Variants in EDA observed in about 807,000 individuals in gnomAD.
EDA encodes the protein ectodysplasin-A.
A neutral mutation model predicts 23.6 loss-of-function variants in EDA; 2 were observed. The ratio of observed to expected loss-of-function variants is 0.08; its 90% CI spans 0.03 to 0.27. The LOEUF (loss-of-function observed/expected upper bound fraction) is 0.27. EDA is among the 10% of genes least tolerant of loss of function. The pLI is 1.00. For synonymous variants in EDA, 131 were observed against 132.0 expected, an observed-to-expected ratio of 0.99 and a Z score of 0.05; for missense variants, 229 against 324.2, an observed-to-expected ratio of 0.71 and a Z score of 2.26.
At chrX:69,931,728 T>A (rs773993662) in intron 1 of EDA, among the ~76,000 whole-genome samples, 1 of 111,796 alleles carries the variant, frequency 8.9e-6, no homozygotes, top group Non-Finnish European at 1.9e-5. Flanking sequence ...GAAACTCTCA[T>A]ACACACTGCT....
intron 1 of EDA, among the ~76,000 whole-genome samples, chrX:69,776,641 A>G (rs1441812601): frequency 3.6e-5 from 4 of 111,276 alleles, no homozygotes; most frequent in Non-Finnish European, 7.5e-5. Context: ...ACAGAAATGC[A>G]TAGCCCTGAA....
intron 1 of EDA, among the ~76,000 whole-genome samples, chrX:69,683,205 G>A (rs900862204): frequency 4.5e-5 from 5 of 111,260 alleles, no homozygotes; most frequent in African/African-American, 9.8e-5. Flanking sequence ...TGTTATTATC[G>A]TTACTATTCT....
At chrX:70,015,745 C>T (rs2147493618) in intron 2 of EDA, among the ~76,000 whole-genome samples, 1 of 111,682 alleles carries the variant, frequency 9.0e-6, no homozygotes, top group East Asian at 2.8e-4. Flanking sequence ...AAATGAAAGA[C>T]CATTACTGGC....
At chrX:69,972,053 C>A (rs774977422) in intron 2 of EDA, among the ~76,000 whole-genome samples, 1 of 111,001 alleles carries the variant, frequency 9.0e-6, no homozygotes, top group Non-Finnish European at 1.9e-5. Context: ...GAGGGAGAAG[C>A]CTTCAGGCTC....
At chrX:69,992,977 T>G (rs2019609369) in intron 2 of EDA, among the ~76,000 whole-genome samples, 1 of 111,147 alleles carries the variant, frequency 9.0e-6, no homozygotes, top group Admixed American at 9.6e-5. Context: ...GTGACTTATT[T>G]TTGTGTGTGG....
chrX:69,902,714 C>A (rs1244602692), intron 1 of EDA, among the ~76,000 whole-genome samples: 2 of 111,676 alleles, frequency 1.8e-5, no homozygotes, highest in Non-Finnish European at 3.8e-5. Flanking sequence ...TTTTATTTTA[C>A]TCTGAAGGAA....
intron 1 of EDA, among the ~76,000 whole-genome samples, chrX:69,660,420 C>A (rs1488606573): frequency 9.1e-6 from 1 of 110,123 alleles, no homozygotes; most frequent in Non-Finnish European, 1.9e-5. Flanking sequence ...TATACATGTG[C>A]CATGTTGGTG....
chrX:70,000,672 G>A (rs1296390554), intron 2 of EDA, among the ~76,000 whole-genome samples: 1 of 112,251 alleles, frequency 8.9e-6, no homozygotes, highest in African/African-American at 3.2e-5. Flanking sequence ...TTTATTGAGT[G>A]CCTAGAGAAT....
intron 1 of EDA, among the ~76,000 whole-genome samples, chrX:69,794,138 G>A (rs1041877896): frequency 1.8e-5 from 2 of 110,558 alleles, no homozygotes; most frequent in African/African-American, 6.6e-5. Context: ...AGAGATTCCA[G>A]ACAGAAGAAG....
intron 2 of EDA, among the ~76,000 whole-genome samples, chrX:70,008,168 A>T (rs1054740264): frequency 8.9e-6 from 1 of 112,098 alleles, no homozygotes; most frequent in Admixed American, 9.5e-5. Flanking sequence ...GGAGTGGTGA[A>T]TGGGAACATC....
intron 1 of EDA, among the ~76,000 whole-genome samples, chrX:69,805,860 A>G (rs2015801838): frequency 8.9e-6 from 1 of 111,779 alleles, no homozygotes; most frequent in Non-Finnish European, 1.9e-5. Flanking sequence ...GTTGGTATAT[A>G]ATACACTCTG....
chrX:69,684,966 T>G (rs1934495697), intron 1 of EDA, among the ~76,000 whole-genome samples: 2 of 112,458 alleles, frequency 1.8e-5, no homozygotes, highest in Admixed American at 1.9e-4. Context: ...GCTTTGGTAG[T>G]GAAGATGAGA....
intron 2 of EDA, among the ~76,000 whole-genome samples, chrX:70,005,136 A>G (rs1163993381): frequency 3.6e-5 from 4 of 112,040 alleles, no homozygotes; most frequent in Non-Finnish European, 7.5e-5. Flanking sequence ...TACTACCTGT[A>G]TAACCAGAGA....
At chrX:69,799,531 CA>C (rs1273114112) in intron 1 of EDA, among the ~76,000 whole-genome samples, 3 of 110,026 alleles carry the variant, frequency 2.7e-5, no homozygotes, top group Admixed American at 1.9e-4. Context: ...ATGATCTTAT[CA>C]AAAATGGGCA....
At chrX:69,792,125 C>G (rs779144909) in intron 1 of EDA, among the ~76,000 whole-genome samples, 34 of 110,576 alleles carry the variant, frequency 3.1e-4, no homozygotes, top group Non-Finnish European at 6.2e-4. Context: ...TAACCATTCC[C>G]CCACTGAGTC....
chrX:69,838,244 TG>T (rs2016821413), intron 1 of EDA, among the ~76,000 whole-genome samples: 1 of 113,134 alleles, frequency 8.8e-6, no homozygotes, highest in African/African-American at 3.2e-5. Flanking sequence ...TAGTTGCCTT[TG>T]AAAGAGCATA....
rs775255405 is a variant in EDA at position 69,694,835 on chromosome X, C to T, written c.396+78131C>T. ...AATATAACTCAAAGGGTTAGCTTTA[C>T]TTATTATTTGACAACACTTTCCATA... On this transcript the variant is annotated intron_variant, in intron 1 of 7. Coordinates refer to ENST00000374552, the MANE Select transcript of EDA (RefSeq NM_001399.5). Among the ~76,000 whole-genome samples, 4 of 112,044 alleles carry T rather than the reference C, an allele frequency of 3.6e-5. No individual in the cohort carries two copies. In the East Asian group the frequency reaches 1.1e-3, roughly 31 times the overall value.
chrX:69,865,501 A>G (rs1331016369), intron 1 of EDA, among the ~76,000 whole-genome samples: 1 of 110,962 alleles, frequency 9.0e-6, no homozygotes, highest in Non-Finnish European at 1.9e-5. Context: ...TTCTTTTCAC[A>G]TTTTCCTGCC....
chrX:69,976,218 C>A (rs751650508), intron 2 of EDA, among the ~76,000 whole-genome samples: 1 of 111,641 alleles, frequency 9.0e-6, no homozygotes, highest in Non-Finnish European at 1.9e-5. Flanking sequence ...GATATAGACA[C>A]GGTTAAGAAT....
Sources: allele counts gnomAD v4.1 joint callset (sites outside exome capture counted in the v4.1 genomes callset), GRCh38; gene constraint gnomAD v4.1.1; transcripts MANE v1.5; gene names NCBI Gene and HGNC (gene_info 2026-07-23, HGNC 2026-07-21).